The following IP6K2 variants were observed in gnomAD, a reference collection of about 807,000 sequenced individuals.
IP6K2 encodes the protein inositol hexakisphosphate kinase 2.
IP6K2 carries 9 observed loss-of-function variants against 43.3 expected under a neutral mutation model. That is an observed-to-expected ratio of 0.21 (90% CI 0.13 to 0.36). IP6K2 has a LOEUF of 0.36. Ranked by LOEUF, IP6K2 falls within the 10% of genes least tolerant of loss-of-function variation. The pLI is 1.00. For synonymous variants in IP6K2, 209 were observed against 202.4 expected (o/e 1.03, Z -0.28); for missense variants, 332 against 538.4 (o/e 0.62, Z 3.79).
At position 48,695,863 on chromosome 3, in the gene IP6K2, A is replaced by AAT. The variant is rs200374251; in HGVS notation, c.-130-444_-130-443dup. ...TAATATATATTATATATATAAAATA[A>AAT]ATATATATATATAATTTTTTAATAT... On this transcript the variant is annotated intron_variant, in intron 1 of 5. Coordinates refer to ENST00000328631, the MANE Select transcript of IP6K2 (RefSeq NM_016291.4). This position sits in a 1 kb window ranked among gnomAD's most constrained non-coding sequence, Gnocchi z 4.6. Among the ~76,000 whole-genome samples, 1,695 of 147,228 alleles carry AAT rather than the reference A, an allele frequency of 0.012. 34 individuals are homozygous for AAT. Among genetic ancestry groups the AAT allele is most frequent in the African/African-American group, 0.039 (1,562 of 40,554 alleles).
Position 48,688,112 on chromosome 3 carries a change from A to G in IP6K2, c.*161T>C. ...ATAGTTAAAATAAATAAAGACTCCA[A>G]GCACAGCTGGGACTGGCTCAGGCTG... On this transcript the variant is annotated 3_prime_UTR_variant, in exon 6 of 6. Coordinates refer to ENST00000328631, the MANE Select transcript of IP6K2 (RefSeq NM_016291.4). This position sits in a 1 kb window ranked among gnomAD's most constrained non-coding sequence, Gnocchi z 5.1. 6 of 704,608 alleles carry G rather than the reference A, an allele frequency of 8.5e-6. No individual in the cohort carries two copies. The South Asian group carries it at 8.9e-5, about 10-fold the overall frequency. The allele number at this position is 704,608 out of a possible 1,614,324, so 43.6% of individuals were successfully genotyped here. A position where few individuals can be genotyped will look rare whatever the true frequency, so the allele number is the denominator to read the frequency against.
chr3:48,710,690 A>G (rs1451902351), intron 1 of IP6K2, among the ~76,000 whole-genome samples: 1 of 151,832 alleles, frequency 6.6e-6, no homozygotes, highest in Non-Finnish European at 1.5e-5. Flanking sequence ...GCTCACTGCA[A>G]GCTCTGCCTC....
intron 1 of IP6K2, among the ~76,000 whole-genome samples, chr3:48,714,567 A>G (rs559631786): frequency 6.6e-6 from 1 of 151,992 alleles, no homozygotes; most frequent in East Asian, 1.9e-4. Context: ...TAGTTTTTGT[A>G]TTTTTAGTAG....
intron 2 of IP6K2, chr3:48,693,551 A>G (rs2077987685): frequency 3.3e-6 from 4 of 1,201,150 alleles, no homozygotes; most frequent in Non-Finnish European, 4.2e-6. Context: ...TTAATGCCCT[A>G]AACAGAAACT....
At chr3:48,697,452 A>C (rs1575639027) in intron 1 of IP6K2, among the ~76,000 whole-genome samples, 1 of 144,708 alleles carries the variant, frequency 6.9e-6, no homozygotes, top group Admixed American at 7.0e-5. Context: ...CAACCTCCCA[A>C]GTAGCTGGGA....
At chr3:48,704,794 T>C (rs958997955) in intron 1 of IP6K2, among the ~76,000 whole-genome samples, 1 of 151,506 alleles carries the variant, frequency 6.6e-6, no homozygotes, top group Non-Finnish European at 1.5e-5. Context: ...ACTTTTTTTT[T>C]TTCTCTGAGA....
rs2077492166 is a variant in IP6K2 at position 48,688,021 on chromosome 3, T to G, written c.*252A>C. 3 of 514,832 alleles carry G rather than the reference T, an allele frequency of 5.8e-6. No homozygotes were observed. The South Asian group carries it at 7.5e-5, about 13-fold the overall frequency. 31.9% of individuals were successfully genotyped at this position (514,832 alleles called of 1,614,324 possible). A position where few individuals can be genotyped will look rare whatever the true frequency, so the allele number is the denominator to read the frequency against. ...CACTATATACAATAAACAAAAAGAT[T>G]TGTATTAGAACATATACACTCAGGG... On this transcript the variant is annotated 3_prime_UTR_variant, in exon 6 of 6. Coordinates refer to ENST00000328631, the MANE Select transcript of IP6K2 (RefSeq NM_016291.4). The surrounding 1 kb of genome is among the most constrained non-coding windows in gnomAD (Gnocchi z 5.1).
intron 1 of IP6K2, among the ~76,000 whole-genome samples, chr3:48,697,513 G>C (rs28520903): frequency 2.0e-5 from 1 of 48,984 alleles, no homozygotes; most frequent in Non-Finnish European, 4.0e-5. Flanking sequence ...TTTTTTTTTT[G>C]TATTTTTAGT....
In IP6K2 at chr3:48,694,118, C is replaced by A. The variant is rs1477865678; in HGVS notation, c.203-939G>T. Reference sequence around the variant, plus strand: ...ATGACACTTCTGAGGTGGCCCCCAGCTCTGGGTGCAGAGGAGCCGGGGTGG... The same window carrying A: ...ATGACACTTCTGAGGTGGCCCCCAGATCTGGGTGCAGAGGAGCCGGGGTGG... On this transcript the variant is annotated intron_variant, in intron 2 of 5. Coordinates refer to ENST00000328631, the MANE Select transcript of IP6K2 (RefSeq NM_016291.4). The A allele has an allele frequency of 3.5e-5, 53 of 1,510,292 alleles. 1 individual carries two copies. The Admixed American group carries it at 1.2e-3, about 35-fold the overall frequency. 93.6% of individuals were successfully genotyped at this position (1,510,292 alleles called of 1,614,324 possible).
In IP6K2 at chr3:48,695,025, T is replaced by G; in HGVS notation, c.202+65A>C. The G allele has an allele frequency of 6.2e-7, 1 of 1,613,924 alleles. No homozygotes were observed. The highest frequency in any genetic ancestry group is 1.1e-5 in the South Asian group (1 of 91,070). On this transcript the variant is annotated intron_variant, in intron 2 of 5. Transcript: ENST00000328631. The surrounding 1 kb of genome is among the most constrained non-coding windows in gnomAD (Gnocchi z 4.6). The stretch of plus-strand genomic sequence containing the variant: ...GCTCCAGGGATGGCTGCCAGGGCCT[T>G]CCATGGCCACGATCTCTCACATCTC...
intron 1 of IP6K2, among the ~76,000 whole-genome samples, chr3:48,713,830 G>A (rs2080843607): frequency 6.6e-6 from 1 of 150,982 alleles, no homozygotes; most frequent in Non-Finnish European, 1.5e-5. Flanking sequence ...GAAAGAAAAA[G>A]GCCAGGTGCG....
intron 1 of IP6K2, among the ~76,000 whole-genome samples, chr3:48,716,755 C>T (rs2081238860): frequency 6.6e-6 from 1 of 152,124 alleles, no homozygotes; most frequent in Admixed American, 6.5e-5. Flanking sequence ...CCTCCACCCG[C>T]CAAATATCTG....
At chr3:48,713,160 A>T (rs2080759023) in intron 1 of IP6K2, among the ~76,000 whole-genome samples, 1 of 152,254 alleles carries the variant, frequency 6.6e-6, no homozygotes, top group Non-Finnish European at 1.5e-5. Context: ...CTATTCTTAT[A>T]AAACAAATAC....
chr3:48,688,534 C>T lies in IP6K2; in HGVS notation c.1020G>A (p.Arg340=), dbSNP rs893079246. Reference sequence around the variant, plus strand: ...CATCTGAGTCCAGGACCACTTCGGGCCGCTCCTTGCCATCATAAATGACCA... The same window carrying T: ...CATCTGAGTCCAGGACCACTTCGGGTCGCTCCTTGCCATCATAAATGACCA... The part of the protein sequence containing the change: ...SLLVIYDGKE[R]PEVVLDSDAE... The change falls in exon 6 of 6, where the codon CGG becomes CGA. Residue 340 remains arginine, a synonymous_variant. Transcript: ENST00000328631. The surrounding 1 kb of genome is among the most constrained non-coding windows in gnomAD (Gnocchi z 5.1). The T allele has an allele frequency of 1.4e-5, 22 of 1,614,104 alleles. No homozygotes were observed. The Admixed American group carries it at 2.3e-4, about 17-fold the overall frequency.
intron 1 of IP6K2, among the ~76,000 whole-genome samples, chr3:48,707,789 G>A (rs1308972794): frequency 6.6e-6 from 1 of 152,134 alleles, no homozygotes; most frequent in Non-Finnish European, 1.5e-5. Context: ...GTGATTACAT[G>A]AAAGTCATAC....
rs1361715883 is a variant in IP6K2 at position 48,694,260 on chromosome 3, A to T, written c.202+830T>A. On this transcript the variant is annotated intron_variant, in intron 2 of 5. Transcript: ENST00000328631. The stretch of plus-strand genomic sequence containing the variant: ...TTTGTCCTGGAAAAAAACAACAGAG[A>T]AGGACCAAGTGAGGGCCCCCAACTC... 1.9e-6 allele frequency: 3 copies of T among 1,551,438 alleles called. No individual in the cohort carries two copies. The East Asian group carries it at 7.3e-5, about 38-fold the overall frequency.
chr3:48,694,693 C>G, intron 2 of IP6K2: 1 of 1,505,390 alleles, frequency 6.6e-7, no homozygotes, highest in Non-Finnish European at 8.8e-7. Flanking sequence ...CCCCGGCCTA[C>G]CTAATTACCC....
intron 1 of IP6K2, among the ~76,000 whole-genome samples, chr3:48,706,620 A>T (rs1407543466): frequency 6.6e-6 from 1 of 152,126 alleles, no homozygotes; most frequent in Admixed American, 6.6e-5. Flanking sequence ...GAGGCAGATC[A>T]CTTAAGCTCA....
At chr3:48,698,516 C>A (rs1019895210) in intron 1 of IP6K2, among the ~76,000 whole-genome samples, 1 of 152,168 alleles carries the variant, frequency 6.6e-6, no homozygotes, top group Non-Finnish European at 1.5e-5. Flanking sequence ...GTTGCCCAGG[C>A]TGGAGTGCAG....
Sources: allele counts gnomAD v4.1 joint callset (sites outside exome capture counted in the v4.1 genomes callset), GRCh38; gene constraint gnomAD v4.1.1; non-coding constraint Gnocchi (gnomAD v3.1); transcripts MANE v1.5; gene names NCBI Gene and HGNC (gene_info 2026-07-23, HGNC 2026-07-21).